The following PRH1 variants were observed in gnomAD, a reference collection of about 807,000 sequenced individuals.
PRH1 encodes salivary acidic proline-rich phosphoprotein 1/2.
PRH1 carries 7 observed loss-of-function variants against 7.9 expected under a neutral mutation model. That is an observed-to-expected ratio of 0.89 (90% CI 0.50 to 1.67). PRH1 has a LOEUF of 1.67. Among genes scored for constraint, PRH1 ranks in the 40% most tolerant of loss-of-function variants. The pLI, the probability that PRH1 is intolerant of heterozygous loss-of-function variation, is 0.00. For synonymous variants in PRH1, 45 were observed against 80.8 expected, an observed-to-expected ratio of 0.56 and a Z score of 2.38; for missense variants, 109 against 223.6, an observed-to-expected ratio of 0.49 and a Z score of 3.27.
intron 1 of PRH1, among the ~76,000 whole-genome samples, chr12:11,096,479 T>C (rs1214838846): frequency 8.6e-6 from 1 of 116,358 alleles, no homozygotes; most frequent in African/African-American, 2.9e-5. Context: ...AAAAAAGTTT[T>C]TTTAAACTTT....
At chr12:10,931,201 G>C (rs1430079502) in intron 2 of PRH1, 5 of 1,525,274 alleles carry the variant, frequency 3.3e-6, no homozygotes, top group Non-Finnish European at 4.4e-6. Context: ...CATTTCTCAT[G>C]AGTTTTGTTC....
chr12:10,938,824 C>T (rs769128277), intron 2 of PRH1: 3 of 1,613,500 alleles, frequency 1.9e-6, no homozygotes, highest in Non-Finnish European at 2.5e-6. Flanking sequence ...CCAAAACCAC[C>T]TTTTTAACCC....
chr12:10,917,236 G>A (rs1949984968), intron 2 of PRH1, among the ~76,000 whole-genome samples: 1 of 152,100 alleles, frequency 6.6e-6, no homozygotes, highest in Non-Finnish European at 1.5e-5. Context: ...ATACCACCAT[G>A]AAAATGTCCT....
chr12:10,934,801 A>C lies in PRH1; in HGVS notation c.-59+38854T>G, dbSNP rs542824681. 4.6e-5 allele frequency among the ~76,000 whole-genome samples: 7 copies of C among 152,256 alleles called. No individual in the cohort carries two copies. The East Asian group carries it at 1.3e-3, about 29-fold the overall frequency. On this transcript the variant is annotated intron_variant, in intron 2 of 3. Coordinates refer to the PRH1 transcript ENST00000539853. Reference sequence around the variant, plus strand: ...CTCATACTTCATGATGAAAGAAAAAACTGAATTCTCATTGTTAATAAACAA... The same window carrying C: ...CTCATACTTCATGATGAAAGAAAAACCTGAATTCTCATTGTTAATAAACAA...
At chr12:11,032,867 C>T (rs1376676516) in intron 1 of PRH1, among the ~76,000 whole-genome samples, 2 of 152,134 alleles carry the variant, frequency 1.3e-5, no homozygotes, top group Admixed American at 6.5e-5. Flanking sequence ...CAGAAAATTA[C>T]TACAGTTTGC....
intron 1 of PRH1, among the ~76,000 whole-genome samples, chr12:11,114,324 C>A (rs1945671967): frequency 7.4e-6 from 1 of 134,744 alleles, no homozygotes; most frequent in Non-Finnish European, 1.6e-5. Flanking sequence ...ACTATGCAGC[C>A]ATAAAAAAGG....
intron 2 of PRH1, among the ~76,000 whole-genome samples, chr12:10,894,281 C>A (rs574907983): frequency 1.3e-5 from 2 of 152,182 alleles, no homozygotes; most frequent in South Asian, 4.1e-4. Context: ...TTCTACAGTA[C>A]AAGTCTGTTG....
intron 2 of PRH1, among the ~76,000 whole-genome samples, chr12:10,900,770 G>T (rs1185604108): frequency 6.6e-6 from 1 of 152,158 alleles, no homozygotes; most frequent in Non-Finnish European, 1.5e-5. Flanking sequence ...CATTCACCTG[G>T]TTCAGCAGCT....
intron 1 of PRH1, chr12:11,021,568 A>G (rs1419106119): frequency 2.1e-5 from 19 of 915,036 alleles, no homozygotes; most frequent in Non-Finnish European, 3.1e-5. Flanking sequence ...GGAAAAACTG[A>G]TAGAAATATA....
intron 2 of PRH1, among the ~76,000 whole-genome samples, chr12:10,936,071 C>A (rs191791904): frequency 1.9e-4 from 29 of 152,024 alleles, no homozygotes; most frequent in East Asian, 3.9e-4. Context: ...GAAGCAGAAC[C>A]TAGGCTCCAG....
chr12:11,170,622 C>G lies in PRH1; in HGVS notation n.39+800G>C, dbSNP rs117326709. ...TCTTGGAGCCTAGCCACAGGTTTCA[C>G]AGATGCATCTCCATGCAGAAATGGC... is the stretch of plus-strand genomic sequence containing the variant. On this transcript the variant is annotated intron_variant and non_coding_transcript_variant, in intron 1 of 1. Coordinates refer to the PRH1 transcript ENST00000541175. 1.4e-3 allele frequency among the ~76,000 whole-genome samples: 206 copies of G among 152,352 alleles called. 8 individuals are homozygous for G. In the East Asian group the frequency reaches 0.037, roughly 28 times the overall value.
downstream of PRH1, among the ~76,000 whole-genome samples, chr12:11,116,872 A>G (rs1945746430): frequency 6.6e-6 from 1 of 152,146 alleles, no homozygotes; most frequent in Non-Finnish European, 1.5e-5. Context: ...AAGATTCAAC[A>G]TTCCTTCATG....
At chr12:10,970,251 T>C (rs1283979176) in intron 2 of PRH1, among the ~76,000 whole-genome samples, 1 of 152,222 alleles carries the variant, frequency 6.6e-6, no homozygotes, top group African/African-American at 2.4e-5. Flanking sequence ...CAACAAAATA[T>C]TTTTTCCAAC....
At chr12:11,042,446 A>G (rs1942743903) in intron 1 of PRH1, among the ~76,000 whole-genome samples, 2 of 148,752 alleles carry the variant, frequency 1.3e-5, no homozygotes, top group Admixed American at 1.4e-4. Context: ...GACCAAAAAC[A>G]GGTAATGAGA....
intron 1 of PRH1, among the ~76,000 whole-genome samples, chr12:11,027,272 T>C (rs1297192829): frequency 6.7e-6 from 1 of 149,796 alleles, no homozygotes; most frequent in African/African-American, 2.5e-5. Flanking sequence ...CTCAAAATAA[T>C]AGCAATAATA....
intron 2 of PRH1, among the ~76,000 whole-genome samples, chr12:10,918,948 C>A (rs1039829469): frequency 2.6e-5 from 4 of 151,486 alleles, no homozygotes; most frequent in Admixed American, 1.3e-4. Context: ...TATTTATTTT[C>A]TTGAGGCATT....
upstream of PRH1, among the ~76,000 whole-genome samples, chr12:11,048,161 T>TATAG (rs1555147091): frequency 0.15 from 21,200 of 139,084 alleles, 1,872 homozygotes; most frequent in African/African-American, 0.26. Flanking sequence ...TGTGTGTGTG[T>TATAG]ATAGATAGAT....
chr12:11,159,883 C>T (rs949925062), intron 1 of PRH1, among the ~76,000 whole-genome samples: 4 of 152,100 alleles, frequency 2.6e-5, no homozygotes, highest in East Asian at 1.9e-4. Flanking sequence ...ATTGTAACTC[C>T]GGTACTAAAC....
At chr12:10,891,409 A>G (rs999484169) in intron 2 of PRH1, 1 of 152,240 alleles carries the variant, frequency 6.6e-6, no homozygotes, top group Non-Finnish European at 1.5e-5. Flanking sequence ...CAGTTCTACC[A>G]GTGGTACTCA....
Sources: allele counts gnomAD v4.1 joint callset (sites outside exome capture counted in the v4.1 genomes callset), GRCh38; gene constraint gnomAD v4.1.1; transcripts MANE v1.5; gene names NCBI Gene and HGNC (gene_info 2026-07-23, HGNC 2026-07-21).